TBXAS1: variants seen among roughly 807,000 people sequenced by gnomAD.
TBXAS1 encodes the protein thromboxane-A synthase.
A neutral mutation model predicts 60.7 loss-of-function variants in TBXAS1; 48 were observed. The ratio of observed to expected loss-of-function variants is 0.79; its 90% CI spans 0.63 to 1.01. The LOEUF (loss-of-function observed/expected upper bound fraction) is 1.01, where lower values mean the gene tolerates loss of function less well. TBXAS1 is among the 50% of genes least tolerant of loss of function. The probability of loss-of-function intolerance (pLI) is 0.00; values close to 1 mark genes in which losing one functional copy is unlikely to be tolerated. For missense variants in TBXAS1, 685 were observed against 686.3 expected (o/e 1.00, Z 0.02); for synonymous variants, 287 against 269.7 (o/e 1.06, Z -0.63).
chr7:140,008,758 T>A (rs886263717), intron 10 of TBXAS1, among the ~76,000 whole-genome samples: 1 of 152,228 alleles, frequency 6.6e-6, no homozygotes, highest in African/African-American at 2.4e-5. Flanking sequence ...CTTATTTTTT[T>A]CATAATTGAT....
chr7:139,816,708 T>C (rs904908483), intron 4 of TBXAS1, among the ~76,000 whole-genome samples: 1 of 152,302 alleles, frequency 6.6e-6, no homozygotes, highest in East Asian at 1.9e-4. Flanking sequence ...ATTTAACGAG[T>C]TCTGCAGGTG....
chr7:139,901,052 G>A (rs1804526945), intron 3 of TBXAS1, among the ~76,000 whole-genome samples: 1 of 152,196 alleles, frequency 6.6e-6, no homozygotes, highest in African/African-American at 2.4e-5. Context: ...TCCTCAAGAT[G>A]TAGTGGGCAG....
intron 9 of TBXAS1, among the ~76,000 whole-genome samples, chr7:139,966,633 T>G (rs1433693545): frequency 6.6e-6 from 1 of 152,244 alleles, no homozygotes; most frequent in Non-Finnish European, 1.5e-5. Flanking sequence ...TTTCATTTTT[T>G]TCCCTTAAAT....
chr7:139,989,946 C>T (rs928711874), intron 9 of TBXAS1, among the ~76,000 whole-genome samples: 3 of 152,210 alleles, frequency 2.0e-5, no homozygotes. Flanking sequence ...ATCAAGCCGA[C>T]TTGGCTTTTC....
Position 139,829,637 on chromosome 7 carries a change from A to G in TBXAS1, c.89+158A>G, listed in dbSNP as rs2116477756. Among the ~76,000 whole-genome samples the G allele has an allele frequency of 1.3e-5, 2 of 152,366 alleles. 1 individual carries two copies. The highest frequency in any genetic ancestry group is 4.1e-4 in the South Asian group (2 of 4,834). The stretch of plus-strand genomic sequence containing the variant: ...GCTTCAGAATTAAAAGCAAACAGCC[A>G]GGTTAATCTTTTGCTAAAATGCATG... On this transcript the variant is annotated intron_variant, in intron 1 of 12. Transcript: ENST00000448866.
chr7:139,877,814 T>C (rs1007203244), intron 3 of TBXAS1, among the ~76,000 whole-genome samples: 1 of 151,912 alleles, frequency 6.6e-6, no homozygotes, highest in African/African-American at 2.4e-5. Context: ...ACCAGTCTAT[T>C]GCTTTTTAAA....
intron 1 of TBXAS1, among the ~76,000 whole-genome samples, chr7:139,779,242 G>A (rs73735623): frequency 9.9e-5 from 15 of 151,918 alleles, no homozygotes; most frequent in Non-Finnish European, 1.8e-4. Flanking sequence ...TATCCTTTCC[G>A]GTCTCCATCC....
chr7:139,961,108 G>T (rs1400473124), intron 8 of TBXAS1, among the ~76,000 whole-genome samples: 4 of 152,186 alleles, frequency 2.6e-5, no homozygotes, highest in African/African-American at 9.7e-5. Context: ...TGGAAAAAAA[G>T]CTCTGACTAC....
intron 10 of TBXAS1, among the ~76,000 whole-genome samples, chr7:140,008,861 G>T (rs1231354950): frequency 6.6e-6 from 1 of 152,182 alleles, no homozygotes; most frequent in African/African-American, 2.4e-5. Flanking sequence ...TAGAACAAAG[G>T]CCATTTAAAG....
intron 4 of TBXAS1, among the ~76,000 whole-genome samples, chr7:139,823,034 CCA>C (rs1242935569): frequency 6.6e-6 from 1 of 151,900 alleles, no homozygotes; most frequent in Non-Finnish European, 1.5e-5. Flanking sequence ...CCCACTCACC[CCA>C]GTTTCCCATG....
upstream of TBXAS1, among the ~76,000 whole-genome samples, chr7:139,827,268 C>G (rs2116462994): frequency 6.6e-6 from 1 of 152,154 alleles, no homozygotes. Flanking sequence ...GAAAAGGAAG[C>G]CCATAGCTAC....
At chr7:139,911,404 C>T (rs956795329) in intron 4 of TBXAS1, 83 bp downstream of exon 4, 4 of 1,223,390 alleles carry the variant, frequency 3.3e-6, no homozygotes, top group Non-Finnish European at 4.9e-6. Flanking sequence ...AATGGGGATG[C>T]AATCAGGCCT....
At chr7:139,959,760 C>A (rs1490332171) in intron 8 of TBXAS1, among the ~76,000 whole-genome samples, 1 of 152,190 alleles carries the variant, frequency 6.6e-6, no homozygotes, top group East Asian at 1.9e-4. Context: ...AAGCCATAGC[C>A]AAGCCTCAGG....
rs66551791 is a variant in TBXAS1 at position 139,951,593 on chromosome 7, T to TAAAAAAAAAAAAAAAAA, written c.451-1761_451-1745dup. ...CAACATGGTGGAATCCCGTCTCTAC[T>TAAAAAAAAAAAAAAAAA]AAAAAAAAAAAAAAAAAAAAAAAAA... On this transcript the variant is annotated intron_variant, in intron 5 of 12. Transcript: ENST00000448866. Among the ~76,000 whole-genome samples, 5 of 66,312 alleles carry TAAAAAAAAAAAAAAAAA rather than the reference T, an allele frequency of 7.5e-5. 1 individual carries two copies. The highest frequency in any genetic ancestry group is 3.1e-4 in the African/African-American group (5 of 16,248). The allele number at this position is 66,312 out of a possible 152,430, so 43.5% of individuals were successfully genotyped here.
rs1417518139 is a variant in TBXAS1 at position 139,999,398 on chromosome 7, C to T, written c.1135-7693C>T. On this transcript the variant is annotated intron_variant, in intron 9 of 12. Transcript: ENST00000448866. This position sits in a 1 kb window ranked among gnomAD's most constrained non-coding sequence, Gnocchi z 4.3. ...AACTACGTGGGCATGGTGGTGAGCGCCTGTAATTCCAGCTACTTGGGAGGC... is the reference window on the plus strand; with the variant it reads ...AACTACGTGGGCATGGTGGTGAGCGTCTGTAATTCCAGCTACTTGGGAGGC... Among the ~76,000 whole-genome samples the T allele has an allele frequency of 1.3e-5, 2 of 152,158 alleles. No homozygotes were observed. Among genetic ancestry groups the T allele is most frequent in the Non-Finnish European group, 2.9e-5 (2 of 68,020 alleles).
chr7:139,889,400 C>T (rs1803380106), intron 3 of TBXAS1, among the ~76,000 whole-genome samples: 1 of 151,972 alleles, frequency 6.6e-6, no homozygotes, highest in Non-Finnish European at 1.5e-5. Context: ...CAACATTAAT[C>T]ACTGAGGCTG....
At chr7:139,802,850 C>T (rs1455383509) in intron 4 of TBXAS1, among the ~76,000 whole-genome samples, 3 of 152,080 alleles carry the variant, frequency 2.0e-5, no homozygotes, top group South Asian at 4.2e-4. Context: ...GGTGGCAGTT[C>T]CCCTGCACAT....
At chr7:139,955,365 T>A in intron 6 of TBXAS1, 94 bp from the exon 7 acceptor site, 1 of 1,522,548 alleles carries the variant, frequency 6.6e-7, no homozygotes. Context: ...GGCAAGCCAG[T>A]GTAAGCAATT....
At chr7:139,782,244 C>A in intron 2 of TBXAS1, among the ~76,000 whole-genome samples, 1 of 150,544 alleles carries the variant, frequency 6.6e-6, no homozygotes, top group African/African-American at 2.5e-5. Flanking sequence ...TCTAGGTTGC[C>A]AAAATACCAT....
Sources: allele counts gnomAD v4.1 joint callset (sites outside exome capture counted in the v4.1 genomes callset), GRCh38; gene constraint gnomAD v4.1.1; non-coding constraint Gnocchi (gnomAD v3.1); transcripts MANE v1.5; gene names NCBI Gene and HGNC (gene_info 2026-07-23, HGNC 2026-07-21).